The following ABCC1 variants were observed in gnomAD, a reference collection of about 807,000 sequenced individuals.
ABCC1 encodes the protein multidrug resistance-associated protein 1.
In ABCC1, 83 loss-of-function variants were observed where a neutral mutation model predicts 172.9. That is an observed-to-expected ratio of 0.48 (90% CI 0.40 to 0.58). The LOEUF (loss-of-function observed/expected upper bound fraction) is 0.58, where lower values mean the gene tolerates loss of function less well. ABCC1 is among the 20% of genes least tolerant of loss of function. The pLI is 0.00. For synonymous variants in ABCC1, 937 were observed against 825.2 expected, an observed-to-expected ratio of 1.14 and a Z score of -2.32; for missense variants, 1,817 against 2,002.7, an observed-to-expected ratio of 0.91 and a Z score of 1.77.
chr16:16,076,239 G>A, intron 14 of ABCC1, 87 bp from the exon 15 acceptor site: 1 of 1,341,772 alleles, frequency 7.5e-7, no homozygotes, highest in East Asian at 2.5e-5. Context: ...GTCTGGGGTT[G>A]AACCATTCAA....
intron 7 of ABCC1, among the ~76,000 whole-genome samples, chr16:16,042,933 A>T (rs2049033671): frequency 6.6e-6 from 1 of 151,850 alleles, no homozygotes; most frequent in Non-Finnish European, 1.5e-5. Flanking sequence ...ACCTCGGCTC[A>T]TTGCAACCCC....
intron 23 of ABCC1, among the ~76,000 whole-genome samples, chr16:16,120,277 T>C (rs1277334060): frequency 6.6e-6 from 1 of 152,120 alleles, no homozygotes; most frequent in Non-Finnish European, 1.5e-5. Context: ...GATAAGCAAT[T>C]GTAGGCACCT....
intron 27 of ABCC1, among the ~76,000 whole-genome samples, chr16:16,134,036 C>G (rs918180930): frequency 9.9e-5 from 15 of 152,178 alleles, no homozygotes; most frequent in African/African-American, 3.4e-4. Flanking sequence ...TTAATAGTTT[C>G]TTGAGTCTAA....
rs760898018 is a variant in ABCC1, at chr16:16,083,417, C to G, written c.2167C>G (p.Arg723Gly). ...QQAWIQNDSL[R>G]ENILFGCQLE... is the part of the protein sequence containing the mutation. ...GGCCTGGATTCAGAATGATTCTCTC[C>G]GAGAAAACATCCTTTTTGGATGTCA... The change falls in exon 17 of 31, where the codon CGA (arginine) becomes GGA (glycine). Residue 723 changes from arginine (R) to glycine (G), a missense_variant. This residue lies in a region of ABCC1 where 1,412 missense variants were observed against 1,600.3 expected (regional missense o/e 0.88). Coordinates refer to ENST00000399410, the MANE Select transcript of ABCC1 (RefSeq NM_004996.4). The G allele has an allele frequency of 6.2e-7, 1 of 1,613,860 alleles. No individual in the cohort carries two copies. The highest frequency in any genetic ancestry group is 1.1e-5 in the South Asian group (1 of 91,054).
intron 1 of ABCC1, among the ~76,000 whole-genome samples, chr16:15,968,744 G>A (rs2046302294): frequency 6.6e-6 from 1 of 152,024 alleles, no homozygotes; most frequent in Non-Finnish European, 1.5e-5. Flanking sequence ...TGTATTTTGA[G>A]ACAGGATCTC....
At chr16:16,077,149 C>T (rs1292176950) in intron 15 of ABCC1, among the ~76,000 whole-genome samples, 1 of 152,204 alleles carries the variant, frequency 6.6e-6, no homozygotes, top group African/African-American at 2.4e-5. Flanking sequence ...AGGCCTTGAT[C>T]AACAGCTTTT....
At chr16:15,984,132 C>G (rs2046691290) in intron 1 of ABCC1, among the ~76,000 whole-genome samples, 1 of 152,274 alleles carries the variant, frequency 6.6e-6, no homozygotes, top group African/African-American at 2.4e-5. Flanking sequence ...TCCCAAGTGG[C>G]AATCAGTAGG....
intron 21 of ABCC1, among the ~76,000 whole-genome samples, chr16:16,110,006 C>G (rs1596517955): frequency 1.3e-5 from 2 of 152,184 alleles, no homozygotes; most frequent in East Asian, 3.8e-4. Flanking sequence ...CCAGTGCCTT[C>G]TCTCAGTTCC....
At chr16:16,083,573 T>C (rs1356610759) in intron 17 of ABCC1, 31 bp downstream of exon 17, 3 of 1,591,424 alleles carry the variant, frequency 1.9e-6, no homozygotes, top group African/African-American at 2.7e-5. Context: ...GGCCCCTGAA[T>C]CAGTCAGCTG....
intron 1 of ABCC1, among the ~76,000 whole-genome samples, chr16:15,985,564 C>T (rs1349521834): frequency 1.3e-5 from 2 of 152,160 alleles, no homozygotes; most frequent in Non-Finnish European, 2.9e-5. Context: ...CCTGCCCCAG[C>T]CTCCTGAGTA....
At chr16:16,016,900 C>A (rs1391016503) in intron 5 of ABCC1, among the ~76,000 whole-genome samples, 1 of 152,170 alleles carries the variant, frequency 6.6e-6, no homozygotes, top group Non-Finnish European at 1.5e-5. Context: ...AAAATGTGAG[C>A]AGATAATTAC....
intron 26 of ABCC1, among the ~76,000 whole-genome samples, chr16:16,129,748 G>T (rs1468496911): frequency 6.6e-6 from 1 of 152,100 alleles, no homozygotes; most frequent in Non-Finnish European, 1.5e-5. Context: ...ATGTTGGTCA[G>T]GCTGGTCTCA....
At chr16:16,069,932 G>T (rs957340379) in intron 13 of ABCC1, among the ~76,000 whole-genome samples, 1 of 152,132 alleles carries the variant, frequency 6.6e-6, no homozygotes. Flanking sequence ...GCTGAGACAC[G>T]AGAATCGCTT....
At chr16:16,103,397 T>G (rs527698446) in intron 20 of ABCC1, among the ~76,000 whole-genome samples, 1 of 151,852 alleles carries the variant, frequency 6.6e-6, no homozygotes, top group South Asian at 2.1e-4. Flanking sequence ...CTGGCCAACA[T>G]GATGAAACCC....
At chr16:16,008,281 C>T (rs1035528271) in intron 2 of ABCC1, among the ~76,000 whole-genome samples, 2 of 152,018 alleles carry the variant, frequency 1.3e-5, no homozygotes, top group African/African-American at 4.8e-5. Flanking sequence ...CAAGGCATTC[C>T]TGGGAGATTA....
chr16:16,068,484 T>A (rs1402567994), intron 13 of ABCC1, among the ~76,000 whole-genome samples, 182 bp downstream of exon 13: 3 of 152,176 alleles, frequency 2.0e-5, no homozygotes, highest in Non-Finnish European at 4.4e-5. Flanking sequence ...ACATTTGACT[T>A]CTTGACAGAG....
chr16:16,057,360 A>G (rs968405329), intron 12 of ABCC1, among the ~76,000 whole-genome samples: 11 of 144,972 alleles, frequency 7.6e-5, no homozygotes, highest in African/African-American at 2.7e-4. Flanking sequence ...CCCTGTCTCA[A>G]AAAAGTAAAA....
chr16:16,038,381 G>A (rs2048836682), intron 7 of ABCC1, among the ~76,000 whole-genome samples: 1 of 152,194 alleles, frequency 6.6e-6, no homozygotes, highest in Non-Finnish European at 1.5e-5. Flanking sequence ...CATAGTCAAA[G>A]GCCTGAGAAC....
intron 5 of ABCC1, among the ~76,000 whole-genome samples, chr16:16,026,947 T>C (rs1567326281): frequency 6.6e-6 from 1 of 152,038 alleles, no homozygotes; most frequent in African/African-American, 2.4e-5. Context: ...CTGTGCAGTG[T>C]TCTGTCTGTC....
Sources: allele counts gnomAD v4.1 joint callset (sites outside exome capture counted in the v4.1 genomes callset), GRCh38; gene constraint gnomAD v4.1.1; regional missense constraint gnomAD v4.1.1; transcripts MANE v1.5; gene names NCBI Gene and HGNC (gene_info 2026-07-23, HGNC 2026-07-21).